Variants in ITFG2 observed in about 807,000 individuals in gnomAD.
ITFG2 encodes the protein integrin alpha FG-GAP repeat containing 2.
ITFG2 carries 36 observed loss-of-function variants against 54.4 expected under a neutral mutation model. The observed-to-expected ratio is 0.66, with a 90% CI of 0.51 to 0.87. The LOEUF is 0.87. ITFG2 is among the 40% of genes least tolerant of loss of function. ITFG2 has a pLI of 0.00. For missense variants in ITFG2, 524 were observed against 576.7 expected, an observed-to-expected ratio of 0.91 and a Z score of 0.94; for synonymous variants, 211 against 225.4, an observed-to-expected ratio of 0.94 and a Z score of 0.57.
intron 2 of ITFG2, among the ~76,000 whole-genome samples, chr12:2,843,289 G>A (rs1217332142): frequency 1.3e-5 from 2 of 152,178 alleles, no homozygotes; most frequent in African/African-American, 2.4e-5. Context: ...TCCAGCAAGG[G>A]CCGCAGGCAG....
intron 2 of ITFG2, chr12:2,849,260 T>A (rs1220191066): frequency 6.5e-7 from 1 of 1,536,004 alleles, no homozygotes; most frequent in African/African-American, 1.4e-5. Context: ...CTCTTCCTCT[T>A]CCTTGCTGGG....
At chr12:2,816,486 T>C (rs1459580081) in intron 1 of ITFG2, among the ~76,000 whole-genome samples, 1 of 151,868 alleles carries the variant, frequency 6.6e-6, no homozygotes, top group African/African-American at 2.4e-5. Flanking sequence ...CCCGCCACCA[T>C]GCCCGGCTAA....
intron 4 of ITFG2, 100 bp downstream of exon 4, chr12:2,818,377 T>TA: frequency 6.4e-7 from 1 of 1,551,550 alleles, no homozygotes; most frequent in Non-Finnish European, 8.7e-7. Context: ...TCCGTATTCA[T>TA]GTATGCATTT....
chr12:2,843,177 C>T lies in ITFG2; in HGVS notation n.300+2182C>T, dbSNP rs138625102. On this transcript the variant is annotated intron_variant and non_coding_transcript_variant, in intron 2 of 3. Transcript: ENST00000537710. ...GCTAGACAAACAGCTCTCTTGAACC[C>T]GTGGAGGGTTAAGGGCAGCCAGTTT... Among the ~76,000 whole-genome samples, 246 of 152,260 alleles carry T rather than the reference C, an allele frequency of 1.6e-3. 5 individuals carry two copies. In the South Asian group the frequency reaches 0.031, roughly 19 times the overall value.
intron 2 of ITFG2, chr12:2,857,152 G>C: frequency 2.9e-6 from 2 of 693,454 alleles, no homozygotes; most frequent in Non-Finnish European, 5.3e-6. Flanking sequence ...GCCCTCACCT[G>C]TCCCTGGAGC....
chr12:2,820,792 T>G lies in ITFG2; in HGVS notation c.615T>G (p.Cys205Trp). 1 of 1,614,086 alleles carries G rather than the reference T, an allele frequency of 6.2e-7. No homozygotes were observed. Among genetic ancestry groups the G allele is most frequent in the South Asian group, 1.1e-5 (1 of 91,080 alleles). Residue 205 changes from cysteine (C) to tryptophan (W), a missense_variant, in exon 6 of 12, where the codon TGT becomes TGG. Physicochemically the swap from Cys to Trp is radical, Grantham distance 215 (BLOSUM62 -2). Coordinates refer to ENST00000228799, the MANE Select transcript of ITFG2 (RefSeq NM_018463.4). ...AACTGATGGTGTCTCAGCCAGGTTG[T>G]GCGTATGCAATTCTACTGTGTACCT... ...LPELMVSQPGCAYAILLCTWK... is the reference protein window; with the variant it reads ...LPELMVSQPGWAYAILLCTWK...
chr12:2,852,904 C>G (rs554938692), intron 2 of ITFG2, among the ~76,000 whole-genome samples: 20 of 151,920 alleles, frequency 1.3e-4, no homozygotes, highest in African/African-American at 4.8e-4. Flanking sequence ...GAGGCTGAGG[C>G]AGGGAGAATG....
downstream of ITFG2, among the ~76,000 whole-genome samples, chr12:2,829,010 G>C (rs1161434236): frequency 1.3e-5 from 2 of 151,760 alleles, no homozygotes; most frequent in Non-Finnish European, 1.5e-5. Flanking sequence ...GACCAGCCTA[G>C]GCAACATAGC....
intron 2 of ITFG2, chr12:2,857,140 A>T: frequency 2.9e-6 from 2 of 699,394 alleles, no homozygotes; most frequent in South Asian, 3.0e-5. Context: ...TGCAGAGAAG[A>T]GGCCCTCACC....
Position 2,817,019 on chromosome 12 carries a change from T to C in ITFG2, c.97-204T>C, listed in dbSNP as rs138906891. On this transcript the variant is annotated intron_variant, in intron 1 of 11. Transcript: ENST00000228799. ...GTTGCCCAGGCTGGTCTCTAACTCTTGGCCTCAAGTGATCCACCCACCTCC... is the reference window on the plus strand; with the variant it reads ...GTTGCCCAGGCTGGTCTCTAACTCTCGGCCTCAAGTGATCCACCCACCTCC... Among the ~76,000 whole-genome samples the C allele has an allele frequency of 2.6e-5, 4 of 152,284 alleles. No individual in the cohort carries two copies. The East Asian group carries it at 7.7e-4, about 29-fold the overall frequency.
At chr12:2,839,489 C>G (rs907836899) in intron 1 of ITFG2, among the ~76,000 whole-genome samples, 11 of 152,272 alleles carry the variant, frequency 7.2e-5, no homozygotes, top group African/African-American at 2.6e-4. Flanking sequence ...GATCTAAATT[C>G]AGAAATGCTG....
At chr12:2,855,968 G>A (rs1036579199) in intron 2 of ITFG2, among the ~76,000 whole-genome samples, 1 of 152,052 alleles carries the variant, frequency 6.6e-6, no homozygotes, top group African/African-American at 2.4e-5. Flanking sequence ...CGTCACTGAC[G>A]CTTTCCTCCC....
At chr12:2,827,202 A>G (rs1270550409), downstream of ITFG2, 2 of 1,614,024 alleles carry the variant, frequency 1.2e-6, no homozygotes, top group Non-Finnish European at 8.5e-7. This position sits in a 1 kb window ranked among gnomAD's most constrained non-coding sequence, Gnocchi z 4.0. Context: ...TGACTGAGAC[A>G]GCAGTCACTG....
intron 3 of ITFG2, chr12:2,858,617 CA>C: frequency 6.2e-7 from 1 of 1,603,250 alleles, no homozygotes; most frequent in Non-Finnish European, 8.5e-7. Context: ...ACAGCTTGAG[CA>C]CAGGGGCAAG....
chr12:2,846,489 C>T (rs1354619633), intron 2 of ITFG2, among the ~76,000 whole-genome samples: 10 of 152,102 alleles, frequency 6.6e-5, no homozygotes, highest in Non-Finnish European at 1.5e-4. Flanking sequence ...CTCCCGTCCT[C>T]TCGCCAGGAG....
intron 11 of ITFG2, 54 bp from the exon 12 acceptor site, chr12:2,824,036 G>A: frequency 6.2e-7 from 1 of 1,613,636 alleles, no homozygotes; most frequent in Non-Finnish European, 8.5e-7. Flanking sequence ...AAAGCCAGTG[G>A]CCCGGGTGCC....
In ITFG2 at chr12:2,824,247, CT is replaced by C. The variant is rs760810011; in HGVS notation, c.*55del. On this transcript the variant is annotated 3_prime_UTR_variant, in exon 12 of 12. Transcript: ENST00000228799. ...TTCTTCTGAACCCCCACCCTACCCC[CT>C]AAAGGTATCTGTGGTATTGGCAGGA... 5.9e-6 allele frequency: 9 copies of C among 1,528,926 alleles called. No homozygotes were observed. Among genetic ancestry groups the C allele is most frequent in the Non-Finnish European group, 8.2e-6 (9 of 1,103,158 alleles). The allele number at this position is 1,528,926 out of a possible 1,614,324, so 94.7% of individuals were successfully genotyped here.
At chr12:2,855,252 G>A (rs1447894028) in intron 2 of ITFG2, 9 of 1,509,596 alleles carry the variant, frequency 6.0e-6, no homozygotes, top group Non-Finnish European at 7.1e-6. Flanking sequence ...AGGTGTGCTG[G>A]GCGCCACCCT....
chr12:2,855,350 G>A (rs917050165), intron 2 of ITFG2: 90 of 1,531,990 alleles, frequency 5.9e-5, no homozygotes, highest in African/African-American at 2.3e-4. Context: ...TAGGCTTGCC[G>A]GGTGAAGCCA....
Sources: gnomAD v4.1 joint callset for allele counts (sites outside exome capture counted in the v4.1 genomes callset) on GRCh38, gnomAD v4.1.1 for gene constraint, Gnocchi (gnomAD v3.1) non-coding constraint, MANE v1.5 for transcripts, NCBI Gene and HGNC (gene_info 2026-07-23, HGNC 2026-07-21) for gene names.